The following TYW1 variants were observed in gnomAD, a reference collection of about 807,000 sequenced individuals.
The protein encoded by TYW1 is S-adenosyl-L-methionine-dependent tRNA 4-demethylwyosine synthase TYW1.
A neutral mutation model predicts 96.2 loss-of-function variants in TYW1; 46 were observed. That is an observed-to-expected ratio of 0.48 (90% CI 0.38 to 0.61). The LOEUF (loss-of-function observed/expected upper bound fraction) is 0.61, where lower values mean the gene tolerates loss of function less well. Ranked by LOEUF, TYW1 falls within the 20% of genes least tolerant of loss-of-function variation. TYW1 has a pLI of 0.00. For synonymous variants in TYW1, 274 were observed against 323.0 expected (o/e 0.85, Z 1.63); for missense variants, 684 against 909.6 (o/e 0.75, Z 3.19).
chr7:67,066,350 C>T (rs1343532103), intron 9 of TYW1, among the ~76,000 whole-genome samples: 2 of 152,160 alleles, frequency 1.3e-5, no homozygotes, highest in Non-Finnish European at 2.9e-5. Context: ...CTGATTTTAC[C>T]TTTTAAAGCT....
At chr7:67,237,160 A>G (rs905443274) in intron 15 of TYW1, among the ~76,000 whole-genome samples, 1 of 151,310 alleles carries the variant, frequency 6.6e-6, no homozygotes, top group African/African-American at 2.4e-5. Context: ...CGCTGGGATG[A>G]CAGGCGTGAG....
At position 67,098,542 on chromosome 7, in the gene TYW1, A is replaced by G; in HGVS notation, c.1386A>G (p.Gly462=). 1 of 1,571,864 alleles carries G rather than the reference A, an allele frequency of 6.4e-7. No individual in the cohort carries two copies. Among genetic ancestry groups the G allele is most frequent in the Non-Finnish European group, 8.7e-7 (1 of 1,154,576 alleles). ...GGTCCTTCTCACTGTATTCTCCAGGAGTACCGGGCGTCAAAGCAGAACGCT... is the reference window on the plus strand; with the variant it reads ...GGTCCTTCTCACTGTATTCTCCAGGGGTACCGGGCGTCAAAGCAGAACGCT... ...NHQNMIKQFK[G]VPGVKAERFE... The change falls in exon 12 of 16, where the codon GGA becomes GGG. Residue 462 remains glycine, a splice_region_variant and synonymous_variant. Coordinates refer to ENST00000359626, the MANE Select transcript of TYW1 (RefSeq NM_018264.4).
At chr7:67,055,073 A>G (rs1562987681) in intron 8 of TYW1, among the ~76,000 whole-genome samples, 1 of 152,172 alleles carries the variant, frequency 6.6e-6, no homozygotes, top group Non-Finnish European at 1.5e-5. Flanking sequence ...CATTTGAAAT[A>G]TATCATTACT....
At chr7:67,058,572 C>T (rs1795601084) in intron 9 of TYW1, among the ~76,000 whole-genome samples, 1 of 152,054 alleles carries the variant, frequency 6.6e-6, no homozygotes, top group African/African-American at 2.4e-5. Context: ...AGCCTCCCAC[C>T]TCCTGGGCTG....
chr7:67,003,819 G>A (rs1394503930), intron 3 of TYW1, among the ~76,000 whole-genome samples: 1 of 151,818 alleles, frequency 6.6e-6, no homozygotes. Context: ...GAGGCAGGTG[G>A]GTCACTTGAG....
intron 15 of TYW1, among the ~76,000 whole-genome samples, chr7:67,219,527 C>A (rs573483875): frequency 2.0e-5 from 3 of 152,146 alleles, no homozygotes; most frequent in African/African-American, 7.2e-5. Context: ...GGCTATTCTT[C>A]GTAGGGAGAT....
At position 67,135,162 on chromosome 7, in the gene TYW1, C is replaced by CAG. The variant is rs747224302; in HGVS notation, c.1698+17559_1698+17560dup. ...CAATGAATACATGCATATGTATATA[C>CAG]AGAGAGAGAGAGAGAGGAAGTTCAC... On this transcript the variant is annotated intron_variant, in intron 13 of 15. Coordinates refer to ENST00000359626, the MANE Select transcript of TYW1 (RefSeq NM_018264.4). Among the ~76,000 whole-genome samples, 505 of 149,116 alleles carry CAG rather than the reference C, an allele frequency of 3.4e-3. 5 individuals are homozygous for CAG. The highest frequency in any genetic ancestry group is 9.8e-3 in the African/African-American group (400 of 40,782).
intron 13 of TYW1, among the ~76,000 whole-genome samples, chr7:67,145,949 T>TA (rs1798598592): frequency 6.6e-6 from 1 of 152,096 alleles, no homozygotes; most frequent in Non-Finnish European, 1.5e-5. Context: ...TTATTTTTTT[T>TA]AGAGACAGAG....
At chr7:67,148,326 C>G (rs1200716930) in intron 13 of TYW1, among the ~76,000 whole-genome samples, 2 of 150,306 alleles carry the variant, frequency 1.3e-5, no homozygotes, top group African/African-American at 4.9e-5. Flanking sequence ...GGTTTGTACT[C>G]GTTCAACAGA....
intron 15 of TYW1, among the ~76,000 whole-genome samples, chr7:67,213,940 G>A (rs545491095): frequency 6.6e-6 from 1 of 152,122 alleles, no homozygotes; most frequent in Admixed American, 6.5e-5. Context: ...TTTTGAAGCT[G>A]AGTAGTGTCA....
rs200868084 is a variant in TYW1 at position 67,009,310 on chromosome 7, C to G, written c.274-273C>G. 9.8e-5 allele frequency among the ~76,000 whole-genome samples: 15 copies of G among 152,286 alleles called. No individual in the cohort carries two copies. In the East Asian group the frequency reaches 2.7e-3, roughly 27 times the overall value. ...ATCTTGCCTGGCTGATATGTTTACT[C>G]TAGTAGGGCAAGGCAGATTGATCAT... On this transcript the variant is annotated intron_variant, in intron 3 of 15. Transcript: ENST00000359626.
intron 14 of TYW1, among the ~76,000 whole-genome samples, chr7:67,190,534 G>A (rs1800174503): frequency 6.6e-6 from 1 of 152,196 alleles, no homozygotes; most frequent in African/African-American, 2.4e-5. Flanking sequence ...CTGAATGGAG[G>A]TTAAAGAAAT....
intron 15 of TYW1, among the ~76,000 whole-genome samples, chr7:67,206,807 C>T (rs76074987): frequency 0.038 from 5,809 of 152,190 alleles, 335 homozygotes; most frequent in African/African-American, 0.13. Context: ...TCAACATCTT[C>T]CTTGTTTATG....
At chr7:67,193,184 G>T (rs187307143) in intron 14 of TYW1, among the ~76,000 whole-genome samples, 44 of 152,260 alleles carry the variant, frequency 2.9e-4, no homozygotes, top group African/African-American at 1.0e-3. Context: ...ATTTCTGTTA[G>T]TCGTTGGTTT....
intron 13 of TYW1, among the ~76,000 whole-genome samples, chr7:67,159,927 A>G (rs1006081424): frequency 1.6e-4 from 24 of 151,672 alleles, no homozygotes; most frequent in African/African-American, 5.3e-4. Flanking sequence ...CAGCCTCCCA[A>G]TTAGCTGGGA....
chr7:67,197,147 T>G (rs1800420932), intron 15 of TYW1, among the ~76,000 whole-genome samples: 1 of 152,238 alleles, frequency 6.6e-6, no homozygotes, highest in African/African-American at 2.4e-5. Context: ...AGGCCATTAT[T>G]ATGAAACACT....
In TYW1 at chr7:67,153,959, G is replaced by A. The variant is rs573408691; in HGVS notation, c.1699-29167G>A. On this transcript the variant is annotated intron_variant, in intron 13 of 15. Coordinates refer to ENST00000359626, the MANE Select transcript of TYW1 (RefSeq NM_018264.4). Reference sequence around the variant, plus strand: ...TTTTTTTTTTTTGAGACGGAGTCTCGCTCTGTCACCCAGGCTGGAGCGCAG... The same window carrying A: ...TTTTTTTTTTTTGAGACGGAGTCTCACTCTGTCACCCAGGCTGGAGCGCAG... 3.1e-4 allele frequency among the ~76,000 whole-genome samples: 41 copies of A among 133,040 alleles called. 2 individuals carry two copies. In the Middle Eastern group the frequency reaches 0.02, roughly 65 times the overall value. 87.3% of individuals were successfully genotyped at this position (133,040 alleles called of 152,430 possible).
intron 14 of TYW1, among the ~76,000 whole-genome samples, chr7:67,185,075 C>A (rs183271667): frequency 2.0e-5 from 3 of 151,992 alleles, no homozygotes; most frequent in Non-Finnish European, 4.4e-5. Context: ...GCGTTCCAGG[C>A]AGGTGGTGCT....
intron 14 of TYW1, among the ~76,000 whole-genome samples, chr7:67,184,098 T>C (rs1799925876): frequency 1.3e-5 from 2 of 152,204 alleles, no homozygotes; most frequent in Admixed American, 1.3e-4. Flanking sequence ...GGATTATAGG[T>C]GTGAGCCACT....
Sources: allele counts gnomAD v4.1 joint callset (sites outside exome capture counted in the v4.1 genomes callset), GRCh38; gene constraint gnomAD v4.1.1; transcripts MANE v1.5; gene names NCBI Gene and HGNC (gene_info 2026-07-23, HGNC 2026-07-21).